Variants in FOXP2 observed in about 807,000 individuals in gnomAD.
FOXP2 encodes the protein forkhead box P2.
Under a neutral mutation model 115.8 loss-of-function variants are expected in FOXP2, and 12 were observed. The observed-to-expected ratio is 0.10, with a 90% confidence interval of 0.07 to 0.17. The LOEUF (loss-of-function observed/expected upper bound fraction) is 0.17, where lower values mean the gene tolerates loss of function less well. Among genes scored for constraint, FOXP2 ranks in the 10% least tolerant of loss-of-function variants. The pLI is 1.00. For synonymous variants in FOXP2, 328 were observed against 297.7 expected, an observed-to-expected ratio of 1.10 and a Z score of -1.05; for missense variants, 629 against 843.5, an observed-to-expected ratio of 0.75 and a Z score of 3.15.
At chr7:114,345,811 A>G (rs1432378725) in intron 2 of FOXP2, among the ~76,000 whole-genome samples, 2 of 151,768 alleles carry the variant, frequency 1.3e-5, no homozygotes, top group African/African-American at 4.8e-5. Context: ...GTATTATACC[A>G]TATGGAAGTG....
intron 1 of FOXP2, among the ~76,000 whole-genome samples, chr7:114,243,555 T>C (rs1288979742): frequency 2.0e-5 from 3 of 152,194 alleles, no homozygotes; most frequent in African/African-American, 4.8e-5. Flanking sequence ...TTTCTTGGCT[T>C]TCAGGAAAGC....
chr7:114,601,836 A>T (rs1228540651), intron 3 of FOXP2, among the ~76,000 whole-genome samples: 1 of 152,112 alleles, frequency 6.6e-6, no homozygotes, highest in Non-Finnish European at 1.5e-5. Context: ...AAGCCTTTGA[A>T]ATTCGTTGAA....
intron 6 of FOXP2, among the ~76,000 whole-genome samples, chr7:114,639,330 T>C (rs1314634066): frequency 6.6e-6 from 1 of 152,176 alleles, no homozygotes; most frequent in Non-Finnish European, 1.5e-5. Context: ...AATGTATGAC[T>C]CTATTATAAT....
At chr7:114,408,720 C>T (rs1043898083) in intron 2 of FOXP2, among the ~76,000 whole-genome samples, 31 of 151,870 alleles carry the variant, frequency 2.0e-4, no homozygotes, top group Non-Finnish European at 1.5e-4. Context: ...GAGCTAGACT[C>T]CCTCTCAAAA....
At chr7:114,487,317 T>A (rs959482385) in intron 2 of FOXP2, among the ~76,000 whole-genome samples, 1 of 152,096 alleles carries the variant, frequency 6.6e-6, no homozygotes, top group African/African-American at 2.4e-5. Context: ...CTGGAGCCGC[T>A]GGGATGCAGG....
At chr7:114,398,044 G>C (rs1244261557) in intron 2 of FOXP2, among the ~76,000 whole-genome samples, 1 of 151,940 alleles carries the variant, frequency 6.6e-6, no homozygotes, top group Non-Finnish European at 1.5e-5. Flanking sequence ...TTAACCAAGA[G>C]AGAAGACAAA....
chr7:114,091,152 G>T (rs891323158), intron 1 of FOXP2, among the ~76,000 whole-genome samples: 1 of 151,384 alleles, frequency 6.6e-6, no homozygotes, highest in African/African-American at 2.4e-5. Context: ...ATACTATTTT[G>T]CTCTGCTCTG....
At chr7:114,174,466 C>G (rs1793234278) in intron 1 of FOXP2, among the ~76,000 whole-genome samples, 2 of 151,976 alleles carry the variant, frequency 1.3e-5, no homozygotes, top group South Asian at 4.1e-4. Flanking sequence ...AAAAGGGGAT[C>G]TGATAGATAT....
intron 2 of FOXP2, among the ~76,000 whole-genome samples, chr7:114,342,523 GCT>G (rs1791242983): frequency 6.6e-6 from 1 of 151,296 alleles, no homozygotes; most frequent in African/African-American, 2.4e-5. Context: ...CTAGAAGTTA[GCT>G]AAATAACTAA....
chr7:114,447,919 G>T (rs78620348), intron 2 of FOXP2, among the ~76,000 whole-genome samples: 4,521 of 152,040 alleles, frequency 0.03, 100 homozygotes, highest in African/African-American at 0.067. Flanking sequence ...CTGAGAGCTG[G>T]AATGAAACAT....
chr7:114,375,932 T>A (rs200406301), intron 2 of FOXP2, among the ~76,000 whole-genome samples: 2 of 7,700 alleles, frequency 2.6e-4, no homozygotes, highest in African/African-American at 4.2e-4. Context: ...AATAACAAAG[T>A]TACATTGCAA....
At chr7:114,415,441 G>C in intron 1 of FOXP2, 81 bp downstream of exon 1, 2 of 367,276 alleles carry the variant, frequency 5.4e-6, no homozygotes, top group Non-Finnish European at 1.1e-5. Context: ...TGGTAGATTT[G>C]GCAATTGCTT....
chr7:114,630,104 G>C, intron 5 of FOXP2, 99 bp downstream of exon 5: 1 of 1,592,908 alleles, frequency 6.3e-7, no homozygotes, highest in Non-Finnish European at 8.5e-7. Flanking sequence ...CAAGGCTCTT[G>C]CTGTCAAAGT....
intron 3 of FOXP2, 91 bp downstream of exon 3, chr7:114,534,797 A>G: frequency 1.1e-6 from 1 of 949,760 alleles, no homozygotes; most frequent in Admixed American, 1.8e-5. Flanking sequence ...ATATACAGGA[A>G]ATTATTACAT....
At chr7:114,646,269 A>G (rs899946892) in intron 8 of FOXP2, among the ~76,000 whole-genome samples, 2 of 151,942 alleles carry the variant, frequency 1.3e-5, no homozygotes, top group Non-Finnish European at 2.9e-5. Flanking sequence ...CATGCATTTT[A>G]TTGCTCCAAA....
intron 2 of FOXP2, among the ~76,000 whole-genome samples, chr7:114,483,022 T>A (rs1313861524): frequency 6.6e-6 from 1 of 151,682 alleles, no homozygotes; most frequent in African/African-American, 2.4e-5. Context: ...ACAGAATTCT[T>A]CAGGATGGAA....
intron 2 of FOXP2, among the ~76,000 whole-genome samples, chr7:114,473,838 A>T (rs1371164234): frequency 9.9e-5 from 15 of 152,162 alleles, no homozygotes; most frequent in Admixed American, 9.2e-4. Context: ...CCGAGTAATT[A>T]TCCATGATCA....
intron 3 of FOXP2, among the ~76,000 whole-genome samples, chr7:114,582,590 G>A (rs1801924419): frequency 2.0e-5 from 3 of 152,166 alleles, no homozygotes; most frequent in South Asian, 2.1e-4. Flanking sequence ...CACAATGTAA[G>A]TGTTCTTTCC....
rs1475691881 is a variant in FOXP2, at chr7:114,173,880, T to G, written c.-102+10792T>G. 2.0e-5 allele frequency among the ~76,000 whole-genome samples: 3 copies of G among 152,034 alleles called. No homozygotes were observed. The East Asian group carries it at 5.8e-4, about 29-fold the overall frequency. Reference sequence around the variant, plus strand: ...CTTATAGTCTATCTAAAACTTATTTTAAGCATACTGTGGAGAAAAGAGCCC... The same window carrying G: ...CTTATAGTCTATCTAAAACTTATTTGAAGCATACTGTGGAGAAAAGAGCCC... On this transcript the variant is annotated intron_variant, in intron 1 of 17. Coordinates refer to the FOXP2 transcript ENST00000634411.
Sources: allele counts gnomAD v4.1 joint callset (sites outside exome capture counted in the v4.1 genomes callset), GRCh38; gene constraint gnomAD v4.1.1; transcripts MANE v1.5; gene names NCBI Gene and HGNC (gene_info 2026-07-23, HGNC 2026-07-21).